Variants in C11orf24 observed in about 807,000 individuals in gnomAD.
C11orf24 encodes the protein uncharacterized protein C11orf24.
A neutral mutation model predicts 7.3 loss-of-function variants in C11orf24; 5 were observed. That is an observed-to-expected ratio of 0.69 (90% CI 0.36 to 1.45). The LOEUF is 1.45. Ranked by LOEUF, C11orf24 falls within the 40% of genes most tolerant of loss-of-function variation. The pLI is 0.03. For synonymous variants in C11orf24, 233 were observed against 235.7 expected (o/e 0.99, Z 0.11); for missense variants, 566 against 590.5 (o/e 0.96, Z 0.43).
intron 3 of C11orf24, 48 bp from the exon 4 acceptor site, chr11:68,262,966 T>C (rs1159325474): frequency 6.4e-7 from 1 of 1,553,834 alleles, no homozygotes; most frequent in South Asian, 1.2e-5. Context: ...TGTTCAATCC[T>C]GCACAGGGGG....
intron 2 of C11orf24, among the ~76,000 whole-genome samples, chr11:68,264,541 T>C (rs149576179): frequency 1.9e-3 from 14 of 7,228 alleles, no homozygotes; most frequent in African/African-American, 2.8e-3. Context: ...CATCCATCCA[T>C]CCATCCATCC....
chr11:68,271,168 G>A (rs1196391096), intron 1 of C11orf24, among the ~76,000 whole-genome samples: 5 of 152,126 alleles, frequency 3.3e-5, no homozygotes, highest in Admixed American at 6.5e-5. Context: ...GATTTTCCTG[G>A]GGCGAGGGAT....
chr11:68,261,877 G>A lies in C11orf24; in HGVS notation c.1118C>T (p.Thr373Met), dbSNP rs200505706. The change falls in exon 4 of 4, where the codon ACG becomes ATG. Residue 373 changes from threonine (T) to methionine (M), a missense_variant. Physicochemically the swap from Thr to Met is moderately conservative, Grantham distance 81. Coordinates refer to ENST00000304271, the MANE Select transcript of C11orf24 (RefSeq NM_022338.4). ...TTGGGTGCTGGGCTGGCACGAGTCC[G>A]TGGCTGGCATCTTAGTGCCCCCTGA... ...RSSGGTKMPATDSCQPSTQGQ... is the reference protein window; with the variant it reads ...RSSGGTKMPAMDSCQPSTQGQ... The A allele has an allele frequency of 2.0e-5, 32 of 1,614,084 alleles. No individual in the cohort carries two copies. Among genetic ancestry groups the A allele is most frequent in the East Asian group, 4.5e-5 (2 of 44,886 alleles).
intron 3 of C11orf24, chr11:68,263,120 A>G (rs1565290228): frequency 1.7e-6 from 1 of 595,938 alleles, no homozygotes; most frequent in Non-Finnish European, 3.0e-6. Flanking sequence ...AGCCCTTGTC[A>G]ATTTGATTTT....
At chr11:68,264,678 G>A (rs1327029745) in intron 2 of C11orf24, among the ~76,000 whole-genome samples, 1 of 3,810 alleles carries the variant, frequency 2.6e-4, no homozygotes, top group Non-Finnish European at 5.3e-4. Context: ...CTATCCATCT[G>A]TTCATCTATC....
At chr11:68,263,607 G>T (rs1416544884) in intron 3 of C11orf24, 85 bp downstream of exon 3, 32 of 1,319,292 alleles carry the variant, frequency 2.4e-5, no homozygotes, top group Non-Finnish European at 3.4e-5. Context: ...CGTTGGCCTG[G>T]GTTTGCAGAT....
intron 1 of C11orf24, among the ~76,000 whole-genome samples, chr11:68,270,541 A>C (rs2098567398): frequency 6.6e-6 from 1 of 151,750 alleles, no homozygotes; most frequent in Non-Finnish European, 1.5e-5. Context: ...TTACAAGCCC[A>C]GAAGTTTGAG....
intron 2 of C11orf24, among the ~76,000 whole-genome samples, chr11:68,265,799 T>C (rs2098564791): frequency 6.6e-6 from 1 of 152,136 alleles, no homozygotes; most frequent in South Asian, 2.1e-4. Context: ...TAATGTATTA[T>C]AAAAAAATTA....
At chr11:68,270,866 A>G (rs895301977) in intron 1 of C11orf24, among the ~76,000 whole-genome samples, 3 of 152,216 alleles carry the variant, frequency 2.0e-5, no homozygotes, top group Non-Finnish European at 4.4e-5. Context: ...CAGAAGCCCA[A>G]GGAACACAGA....
At chr11:68,266,030 G>A (rs914827963) in intron 2 of C11orf24, among the ~76,000 whole-genome samples, 1 of 152,184 alleles carries the variant, frequency 6.6e-6, no homozygotes, top group Non-Finnish European at 1.5e-5. Context: ...AGCATTCACT[G>A]TCATTCCCTT....
intron 1 of C11orf24, among the ~76,000 whole-genome samples, chr11:68,268,771 C>T (rs1348053825): frequency 1.3e-5 from 2 of 152,196 alleles, no homozygotes; most frequent in African/African-American, 2.4e-5. Context: ...AGCACTCAGA[C>T]AGAGGTCCAA....
rs371434471 is a variant in C11orf24 at position 68,261,660 on chromosome 11, C to T, written c.1335G>A (p.Ala445=). The T allele has an allele frequency of 1.1e-4, 170 of 1,605,180 alleles. 2 individuals are homozygous for T. In the South Asian group the frequency reaches 1.3e-3, roughly 12 times the overall value. ...CCCGCCCCCCTCACATTTCTGAGTC[C>T]GCATACATCCCGTTGATTAAGTAGT... ...QVDYLINGMY[A]DSEM The change falls in exon 4 of 4, where the codon GCG becomes GCA. Residue 445 remains alanine (A), a synonymous_variant. Coordinates refer to ENST00000304271, the MANE Select transcript of C11orf24 (RefSeq NM_022338.4).
intron 1 of C11orf24, among the ~76,000 whole-genome samples, chr11:68,269,314 T>A (rs1224110140): frequency 6.6e-6 from 1 of 152,220 alleles, no homozygotes; most frequent in Non-Finnish European, 1.5e-5. Flanking sequence ...GACATTTTCC[T>A]AGGAGCCAAC....
chr11:68,265,208 G>C (rs1409638299), intron 2 of C11orf24, among the ~76,000 whole-genome samples: 1 of 152,094 alleles, frequency 6.6e-6, no homozygotes, highest in Non-Finnish European at 1.5e-5. Flanking sequence ...GCGTGAGGAG[G>C]CCCCATGAGC....
chr11:68,266,710 C>G (rs867566235), intron 2 of C11orf24, among the ~76,000 whole-genome samples: 2 of 152,056 alleles, frequency 1.3e-5, no homozygotes, highest in Admixed American at 1.3e-4. Flanking sequence ...CAATCCTCCA[C>G]GGGTCAAGGC....
intron 2 of C11orf24, chr11:68,267,761 G>T (rs2098565955): frequency 6.6e-6 from 1 of 152,402 alleles, no homozygotes; most frequent in South Asian, 2.1e-4. Context: ...GCTGAGGTGG[G>T]AGGATGGCTT....
At chr11:68,263,890 T>C in intron 2 of C11orf24, 24 bp from the exon 3 acceptor site, 2 of 743,970 alleles carry the variant, frequency 2.7e-6, no homozygotes, top group East Asian at 2.7e-5. Flanking sequence ...AGCACGCTGG[T>C]CAGAAGGCGT....
At chr11:68,270,786 C>G (rs781328495) in intron 1 of C11orf24, among the ~76,000 whole-genome samples, 6 of 152,118 alleles carry the variant, frequency 3.9e-5, no homozygotes, top group Admixed American at 3.3e-4. Context: ...GGAGTAGGAA[C>G]TGCAAACACA....
intron 1 of C11orf24, among the ~76,000 whole-genome samples, chr11:68,269,181 A>G (rs1022363263): frequency 6.6e-6 from 1 of 152,040 alleles, no homozygotes; most frequent in African/African-American, 2.4e-5. Context: ...GAAAGAAAAC[A>G]GCATATTTTC....
Sources: gnomAD v4.1 joint callset for allele counts (sites outside exome capture counted in the v4.1 genomes callset) on GRCh38, gnomAD v4.1.1 for gene constraint, MANE v1.5 for transcripts, NCBI Gene and HGNC (gene_info 2026-07-23, HGNC 2026-07-21) for gene names.